The following SMO variants were observed in gnomAD, a reference collection of about 807,000 sequenced individuals.
SMO encodes the protein smoothened, frizzled class receptor.
SMO carries 40 observed loss-of-function variants against 81.6 expected under a neutral mutation model. The ratio of observed to expected loss-of-function variants is 0.49; its 90% CI spans 0.38 to 0.64. The LOEUF is 0.64. Among genes scored for constraint, SMO ranks in the 30% least tolerant of loss-of-function variants. The probability of loss-of-function intolerance (pLI) is 0.00; values close to 1 mark genes in which losing one functional copy is unlikely to be tolerated. For missense variants in SMO, 916 were observed against 1,061.1 expected, an observed-to-expected ratio of 0.86 and a Z score of 1.90; for synonymous variants, 434 against 432.1, an observed-to-expected ratio of 1.00 and a Z score of -0.05.
intron 1 of SMO, among the ~76,000 whole-genome samples, chr7:129,200,478 TGTA>T: frequency 6.6e-6 from 1 of 152,312 alleles, no homozygotes; most frequent in South Asian, 2.1e-4. Context: ...AGAAAAACAA[TGTA>T]GTTATTTTTT....
rs146040859 is a variant in SMO, at chr7:129,211,043, C to T, written c.1731C>T (p.His577=). The change falls in exon 10 of 12, where the codon CAC becomes CAT. Residue 577 remains histidine (H), a synonymous_variant. Coordinates refer to ENST00000249373, the MANE Select transcript of SMO (RefSeq NM_005631.5). The surrounding 1 kb of genome is among the most constrained non-coding windows in gnomAD (Gnocchi z 4.6). ...KMIAKAFSKR[H]ELLQNPGQEL... Reference sequence around the variant, plus strand: ...TTGCCAAGGCCTTCTCTAAGCGGCACGAGCTCCTGCAGAACCCAGGCCAGG... The same window carrying T: ...TTGCCAAGGCCTTCTCTAAGCGGCATGAGCTCCTGCAGAACCCAGGCCAGG... 1,155 of 1,614,020 alleles carry T rather than the reference C, an allele frequency of 7.2e-4. No individual in the cohort carries two copies. The highest frequency in any genetic ancestry group is 8.8e-4 in the Non-Finnish European group (1,037 of 1,179,938).
At chr7:129,204,275 G>A (rs1191704139) in intron 2 of SMO, among the ~76,000 whole-genome samples, 1 of 152,136 alleles carries the variant, frequency 6.6e-6, no homozygotes, top group Non-Finnish European at 1.5e-5. Context: ...GGAAGTTGCA[G>A]TGAGCTGAGA....
In SMO at chr7:129,206,025, C is replaced by T; in HGVS notation, c.921-125C>T. 1 of 886,608 alleles carries T rather than the reference C, an allele frequency of 1.1e-6. No individual in the cohort carries two copies. The highest frequency in any genetic ancestry group is 2.4e-5 in the East Asian group (1 of 41,180). 54.9% of individuals were successfully genotyped at this position (886,608 alleles called of 1,614,324 possible). ...TCCTCAGATCTGACCTGGGTCCTGT[C>T]TCCAAGCCCTGACTTCTGGGAACCT... is the stretch of plus-strand genomic sequence containing the variant. On this transcript the variant is annotated intron_variant, in intron 4 of 11. Transcript: ENST00000249373. The surrounding 1 kb of genome is among the most constrained non-coding windows in gnomAD (Gnocchi z 4.4).
chr7:129,203,678 G>A lies in SMO; in HGVS notation c.537+89G>A, dbSNP rs76281017. 1.2e-3 allele frequency: 1,245 copies of A among 1,043,414 alleles called. 12 individuals carry two copies. In the African/African-American group the frequency reaches 0.017, roughly 14 times the overall value. 64.6% of individuals were successfully genotyped at this position (1,043,414 alleles called of 1,614,324 possible). On this transcript the variant is annotated intron_variant, in intron 2 of 11. Transcript: ENST00000249373. ...GTCCAGTGGGGAGCAGGGGAGCCCA[G>A]AGCTTTGTCTCCTGGAGACCCTGAG...
rs1793868285 is a variant in SMO at position 129,211,421 on chromosome 7, A to G, written c.1802-215A>G. The stretch of plus-strand genomic sequence containing the variant: ...GCAAGAGTAAGTCAGGGTTCCAAGA[A>G]CTGGATTTCTGGCCTCCAGTTAGGC... On this transcript the variant is annotated intron_variant, in intron 10 of 11. Coordinates refer to ENST00000249373, the MANE Select transcript of SMO (RefSeq NM_005631.5). This position sits in a 1 kb window ranked among gnomAD's most constrained non-coding sequence, Gnocchi z 4.6. The G allele has an allele frequency of 1.4e-6, 1 of 716,844 alleles. No individual in the cohort carries two copies. The highest frequency in any genetic ancestry group is 1.5e-5 in the South Asian group (1 of 67,190). 44.4% of individuals were successfully genotyped at this position (716,844 alleles called of 1,614,324 possible).
rs1290804201 is a variant in SMO at position 129,189,426 on chromosome 7, T to G, written c.275T>G (p.Leu92Arg). The change falls in exon 1 of 12, where the codon CTG becomes CGG. Residue 92 changes from leucine (L) to arginine (R), a missense_variant. Transcript: ENST00000249373. This position sits in a 1 kb window ranked among gnomAD's most constrained non-coding sequence, Gnocchi z 4.7. ...CCCTACGGGGCCACCTCCACACTGC[T>G]GGCCGGAGACTCGGACTCCCAGGAG... ...VLPYGATSTL[L>R]AGDSDSQEEA... 1 of 1,538,836 alleles carries G rather than the reference T, an allele frequency of 6.5e-7. No individual in the cohort carries two copies. The highest frequency in any genetic ancestry group is 8.7e-7 in the Non-Finnish European group (1 of 1,146,798).
chr7:129,211,925 C>A lies in SMO; in HGVS notation c.1937-99C>A. ...GGCTGAGGCTCTAAGAGTCTAGAGA[C>A]CTGGGCCCCAGAACTAACAGGTTAA... On this transcript the variant is annotated intron_variant, in intron 11 of 11. Transcript: ENST00000249373. The surrounding 1 kb of genome is among the most constrained non-coding windows in gnomAD (Gnocchi z 4.6). 1 of 1,420,272 alleles carries A rather than the reference C, an allele frequency of 7.0e-7. No individual in the cohort carries two copies. Among genetic ancestry groups the A allele is most frequent in the Non-Finnish European group, 9.5e-7 (1 of 1,050,378 alleles). 88.0% of individuals were successfully genotyped at this position (1,420,272 alleles called of 1,614,324 possible). A position where few individuals can be genotyped will look rare whatever the true frequency, so the allele number is the denominator to read the frequency against.
At position 129,213,140 on chromosome 7, in the gene SMO, C is replaced by G. The variant is rs1006272578; in HGVS notation, c.*689C>G. Reference sequence around the variant, plus strand: ...CGTTTCCTTTTTGTTGATGAGGACCCAGAGCTGCTGCACACACTCACCTCT... The same window carrying G: ...CGTTTCCTTTTTGTTGATGAGGACCGAGAGCTGCTGCACACACTCACCTCT... On this transcript the variant is annotated 3_prime_UTR_variant, in exon 12 of 12. Coordinates refer to ENST00000249373, the MANE Select transcript of SMO (RefSeq NM_005631.5). The G allele has an allele frequency of 8.5e-6, 2 of 234,802 alleles. No individual in the cohort carries two copies. Among genetic ancestry groups the G allele is most frequent in the African/African-American group, 4.4e-5 (2 of 45,370 alleles). The allele number at this position is 234,802 out of a possible 1,614,324, so 14.5% of individuals were successfully genotyped here.
Position 129,189,459 on chromosome 7 carries a change from A to T in SMO, c.308A>T (p.His103Leu), listed in dbSNP as rs1793450296. 2 of 1,537,988 alleles carry T rather than the reference A, an allele frequency of 1.3e-6. No homozygotes were observed. Among genetic ancestry groups the T allele is most frequent in the East Asian group, 2.4e-5 (1 of 40,878 alleles). The change falls in exon 1 of 12, where the codon CAC becomes CTC. Residue 103 changes from histidine (H) to leucine (L), a missense_variant. Physicochemically the swap from His to Leu is moderately conservative, Grantham distance 99. This residue lies in a region of SMO where 146 missense variants were observed against 149.9 expected (regional missense o/e 0.97). Coordinates refer to ENST00000249373, the MANE Select transcript of SMO (RefSeq NM_005631.5). This position sits in a 1 kb window ranked among gnomAD's most constrained non-coding sequence, Gnocchi z 4.7. The part of the protein sequence containing the change: ...AGDSDSQEEA[H>L]GKLVLWSGLR... The stretch of plus-strand genomic sequence containing the variant: ...GACTCGGACTCCCAGGAGGAAGCGC[A>T]CGGCAAGCTCGTGCTCTGGTCGGGT...
chr7:129,201,973 G>A (rs1487102371), intron 1 of SMO, among the ~76,000 whole-genome samples: 9 of 152,086 alleles, frequency 5.9e-5, no homozygotes, highest in African/African-American at 1.7e-4. Context: ...GAGCCACTGC[G>A]CCTGGCCAAC....
At position 129,210,816 on chromosome 7, in the gene SMO, C is replaced by A; in HGVS notation, c.1653-149C>A. The A allele has an allele frequency of 1.2e-6, 1 of 806,154 alleles. No homozygotes were observed. The highest frequency in any genetic ancestry group is 1.9e-6 in the Non-Finnish European group (1 of 514,106). 49.9% of individuals were successfully genotyped at this position (806,154 alleles called of 1,614,324 possible). A position where few individuals can be genotyped will look rare whatever the true frequency, so the allele number is the denominator to read the frequency against. On this transcript the variant is annotated intron_variant, in intron 9 of 11. Transcript: ENST00000249373. The surrounding 1 kb of genome is among the most constrained non-coding windows in gnomAD (Gnocchi z 4.7). Reference sequence around the variant, plus strand: ...TCTGCATTCTGGCCCCACTTCTTTGCAGAGAAGGCCTCTACTCCTGAGTCC... The same window carrying A: ...TCTGCATTCTGGCCCCACTTCTTTGAAGAGAAGGCCTCTACTCCTGAGTCC...
intron 1 of SMO, among the ~76,000 whole-genome samples, chr7:129,199,242 C>T (rs959286656): frequency 7.1e-5 from 10 of 141,808 alleles, no homozygotes; most frequent in Admixed American, 3.0e-4. Flanking sequence ...AGTGCAATGG[C>T]GATCTCGGCT....
chr7:129,191,950 G>A (rs1026210824), intron 1 of SMO, among the ~76,000 whole-genome samples: 1 of 152,120 alleles, frequency 6.6e-6, no homozygotes, highest in African/African-American at 2.4e-5. Flanking sequence ...GCTGGACATG[G>A]TGCTCACACC....
At position 129,210,329 on chromosome 7, in the gene SMO, GA is replaced by G; in HGVS notation, c.1467-31del. 1 of 1,574,088 alleles carries G rather than the reference GA, an allele frequency of 6.4e-7. No individual in the cohort carries two copies. The highest frequency in any genetic ancestry group is 8.7e-7 in the Non-Finnish European group (1 of 1,144,864). On this transcript the variant is annotated intron_variant, in intron 8 of 11. Coordinates refer to ENST00000249373, the MANE Select transcript of SMO (RefSeq NM_005631.5). This position sits in a 1 kb window ranked among gnomAD's most constrained non-coding sequence, Gnocchi z 4.7. ...CAAAAAAAGAGAGAGGAAAAGAAAGGAAAGCCTCACCTGTCTACGTTCCCTC... is the reference window on the plus strand; with the variant it reads ...CAAAAAAAGAGAGAGGAAAAGAAAGGAAGCCTCACCTGTCTACGTTCCCTC...
intron 1 of SMO, among the ~76,000 whole-genome samples, chr7:129,199,736 CAAAAAATA>C (rs1460426499): frequency 6.6e-6 from 1 of 151,352 alleles, no homozygotes; most frequent in Non-Finnish European, 1.5e-5. Context: ...GACCCTATCT[CAAAAAATA>C]AAAAAATAAA....
At chr7:129,201,617 G>A (rs189105338) in intron 1 of SMO, among the ~76,000 whole-genome samples, 347 of 152,164 alleles carry the variant, frequency 2.3e-3, no homozygotes, top group Admixed American at 3.7e-3. Context: ...GGCACCCACT[G>A]CTCTGTTTTC....
chr7:129,202,463 C>T (rs1189693801), intron 1 of SMO, among the ~76,000 whole-genome samples: 2 of 152,194 alleles, frequency 1.3e-5, no homozygotes, highest in Admixed American at 6.5e-5. Flanking sequence ...TCTCCTAATG[C>T]AACTTCTTGC....
At position 129,208,925 on chromosome 7, in the gene SMO, C is replaced by A; in HGVS notation, c.1357+74C>A. 1 of 1,004,486 alleles carries A rather than the reference C, an allele frequency of 1.0e-6. No homozygotes were observed. The highest frequency in any genetic ancestry group is 2.5e-5 in the East Asian group (1 of 40,018). 62.2% of individuals were successfully genotyped at this position (1,004,486 alleles called of 1,614,324 possible). ...CTGCACCCTCCTGGGGCTATGCGAC[C>A]GGCAGGATGCAGTAAGTCAGTGGGA... is the stretch of plus-strand genomic sequence containing the variant. On this transcript the variant is annotated intron_variant, in intron 7 of 11. Transcript: ENST00000249373. The surrounding 1 kb of genome is among the most constrained non-coding windows in gnomAD (Gnocchi z 5.2).
rs777173215 is a variant in SMO at position 129,212,138 on chromosome 7, C to T, written c.2051C>T (p.Pro684Leu). ...AGGAAGAGGAAGAAGGAGGTGTGCC[C>T]GCTGGCGCCGCCCCCTGAGCTTCAC... ...KRRKRKKEVC[P>L]LAPPPELHPP... The change falls in exon 12 of 12, where the codon CCG (proline) becomes CTG (leucine). Residue 684 changes from proline (P) to leucine (L), a missense_variant. Pro to Leu is a moderately conservative substitution (Grantham distance 98, BLOSUM62 -3). Coordinates refer to ENST00000249373, the MANE Select transcript of SMO (RefSeq NM_005631.5). The surrounding 1 kb of genome is among the most constrained non-coding windows in gnomAD (Gnocchi z 5.0). 30 of 1,558,712 alleles carry T rather than the reference C, an allele frequency of 1.9e-5. 1 individual carries two copies. The highest frequency in any genetic ancestry group is 9.4e-5 in the South Asian group (8 of 85,054).
Sources: gnomAD v4.1 joint callset for allele counts (sites outside exome capture counted in the v4.1 genomes callset) on GRCh38, gnomAD v4.1.1 for gene constraint, gnomAD v4.1.1 regional missense constraint, Gnocchi (gnomAD v3.1) non-coding constraint, MANE v1.5 for transcripts, NCBI Gene and HGNC (gene_info 2026-07-23, HGNC 2026-07-21) for gene names.